The following ZSWIM4 variants were observed in gnomAD, a reference collection of about 807,000 sequenced individuals.
ZSWIM4 encodes zinc finger SWIM-type containing 4.
In ZSWIM4, 62 loss-of-function variants were observed where a neutral mutation model predicts 102.5. That is an observed-to-expected ratio of 0.60 (90% CI 0.49 to 0.75). The LOEUF (loss-of-function observed/expected upper bound fraction) is 0.75. Ranked by LOEUF, ZSWIM4 falls within the 30% of genes least tolerant of loss-of-function variation. ZSWIM4 has a pLI of 0.00. For missense variants in ZSWIM4, 1,280 were observed against 1,529.6 expected, an observed-to-expected ratio of 0.84 and a Z score of 2.72; for synonymous variants, 652 against 674.5, an observed-to-expected ratio of 0.97 and a Z score of 0.52.
At chr19:13,812,461 T>C (rs113782091) in intron 5 of ZSWIM4, among the ~76,000 whole-genome samples, 6 of 145,474 alleles carry the variant, frequency 4.1e-5, no homozygotes, top group African/African-American at 1.6e-4. Context: ...ATCCCAACTT[T>C]TTTTTTTTTT....
At chr19:13,828,588 T>TGAG in intron 12 of ZSWIM4, 57 bp from the exon 13 acceptor site, 1 of 1,553,718 alleles carries the variant, frequency 6.4e-7, no homozygotes, top group Non-Finnish European at 8.9e-7. Flanking sequence ...CCAACGCCCC[T>TGAG]CCATAGGCCA....
In ZSWIM4 at chr19:13,830,730, C is replaced by G; in HGVS notation, c.3001C>G (p.Arg1001Gly). The change falls in exon 14 of 14, where the codon CGC (arginine) becomes GGC (glycine). Residue 1001 changes from arginine to glycine, a missense_variant. By Grantham distance (125) the Arg-to-Gly change is moderately radical (BLOSUM62 -2). Coordinates refer to ENST00000590508, the MANE Select transcript of ZSWIM4 (RefSeq NM_001367834.3). ...HCAPMLSDIL[R>G]RWTLSAPGLG... ...TGCCCCAATGCTGTCCGATATTCTGCGCCGCTGGACTCTCTCGGCGCCCGG... is the reference window on the plus strand; with the variant it reads ...TGCCCCAATGCTGTCCGATATTCTGGGCCGCTGGACTCTCTCGGCGCCCGG... The G allele has an allele frequency of 6.2e-7, 1 of 1,607,898 alleles. No individual in the cohort carries two copies. The highest frequency in any genetic ancestry group is 8.5e-7 in the Non-Finnish European group (1 of 1,177,822).
At chr19:13,800,392 A>C (rs28376094) in intron 2 of ZSWIM4, among the ~76,000 whole-genome samples, 2,478 of 151,078 alleles carry the variant, frequency 0.016, 65 homozygotes, top group African/African-American at 0.058. Flanking sequence ...CAGCCTCCCA[A>C]GTAGCCGGGA....
At chr19:13,828,566 G>T (rs1975672743) in intron 12 of ZSWIM4, 79 bp from the exon 13 acceptor site, 3 of 1,278,140 alleles carry the variant, frequency 2.3e-6, no homozygotes, top group Non-Finnish European at 3.4e-6. Flanking sequence ...TGTTTCTGGG[G>T]TCCTCCATCT....
rs1424514640 is a variant in ZSWIM4, at chr19:13,795,485, C to T, written c.-164C>T. On this transcript the variant is annotated 5_prime_UTR_variant, in exon 1 of 14. Coordinates refer to ENST00000590508, the MANE Select transcript of ZSWIM4 (RefSeq NM_001367834.3). The stretch of plus-strand genomic sequence containing the variant: ...TAAAGGGGCCGCATCACCCTGCCGG[C>T]CCGGCGCGGGTCGGGGGTGGGTGCG... The T allele has an allele frequency of 9.6e-6, 2 of 207,612 alleles. No individual in the cohort carries two copies. The highest frequency in any genetic ancestry group is 2.5e-4 in the East Asian group (2 of 8,140). The allele number at this position is 207,612 out of a possible 1,614,324, so 12.9% of individuals were successfully genotyped here.
Position 13,830,335 on chromosome 19 carries a change from G to A in ZSWIM4, c.2606G>A (p.Trp869Ter). 1 of 1,613,396 alleles carries A rather than the reference G, an allele frequency of 6.2e-7. No homozygotes were observed. Among genetic ancestry groups the A allele is most frequent in the Non-Finnish European group, 8.5e-7 (1 of 1,180,022 alleles). Residue 869 changes from tryptophan to a stop codon, truncating the protein, a stop_gained, in exon 14 of 14, where the codon TGG becomes TAG. Transcript: ENST00000590508. LOFTEE classifies it high-confidence loss of function. ...QLDTSRREEL[W>*]ACARTLALQC... The stretch of plus-strand genomic sequence containing the variant: ...GACACATCGCGGAGGGAGGAGCTCT[G>A]GGCCTGCGCCCGCACCCTGGCCTTG...
chr19:13,798,184 ATGAT>A (rs770961284), intron 1 of ZSWIM4, among the ~76,000 whole-genome samples: 1 of 152,072 alleles, frequency 6.6e-6, no homozygotes, highest in Non-Finnish European at 1.5e-5. Context: ...CAGTGAAACA[ATGAT>A]TGCGCAATGA....
chr19:13,830,027 T>G (rs993976346), intron 13 of ZSWIM4, among the ~76,000 whole-genome samples, 164 bp from the exon 14 acceptor site: 3 of 152,096 alleles, frequency 2.0e-5, no homozygotes, highest in Non-Finnish European at 4.4e-5. Context: ...ACACACGTGA[T>G]TCCCACCTAG....
At chr19:13,811,455 C>T (rs1057499239) in intron 5 of ZSWIM4, among the ~76,000 whole-genome samples, 2 of 151,252 alleles carry the variant, frequency 1.3e-5, no homozygotes, top group Admixed American at 6.6e-5. Flanking sequence ...ACTTGGGCCC[C>T]GGAGGTTGAG....
Position 13,810,909 on chromosome 19 carries a change from C to A in ZSWIM4, c.1012+1689C>A, listed in dbSNP as rs561014098. Among the ~76,000 whole-genome samples, 133 of 94,112 alleles carry A rather than the reference C, an allele frequency of 1.4e-3. 1 individual carries two copies. The highest frequency in any genetic ancestry group is 5.5e-3 in the African/African-American group (126 of 22,734). 61.7% of individuals were successfully genotyped at this position (94,112 alleles called of 152,430 possible). On this transcript the variant is annotated intron_variant, in intron 5 of 13. Transcript: ENST00000590508. ...ACAGGCGTGAGCCACCACGCCCAGC[C>A]TTTTTTTTTTTTTTTTTTTTTTGAG...
chr19:13,801,161 A>AAAT (rs796359601), intron 2 of ZSWIM4, among the ~76,000 whole-genome samples: 8 of 151,542 alleles, frequency 5.3e-5, no homozygotes, highest in Non-Finnish European at 1.2e-4. Flanking sequence ...AAAAGAAAAA[A>AAAT]AAAAAGGAAG....
At position 13,812,977 on chromosome 19, in the gene ZSWIM4, C is replaced by A. The variant is rs1006221116; in HGVS notation, c.1013-20C>A. On this transcript the variant is annotated intron_variant, in intron 5 of 13. Transcript: ENST00000590508. ...TGCCACTGTTGGCAGGAATATTGAGCCTGCCCCGTGCCTCCTCAGGGGCCC... is the reference window on the plus strand; with the variant it reads ...TGCCACTGTTGGCAGGAATATTGAGACTGCCCCGTGCCTCCTCAGGGGCCC... 4.4e-6 allele frequency: 7 copies of A among 1,583,856 alleles called. No individual in the cohort carries two copies. The highest frequency in any genetic ancestry group is 6.0e-6 in the Non-Finnish European group (7 of 1,159,970).
In ZSWIM4 at chr19:13,823,462, A is replaced by T. The variant is rs748276694; in HGVS notation, c.2177A>T (p.Gln726Leu). 39 of 1,590,548 alleles carry T rather than the reference A, an allele frequency of 2.5e-5. No individual in the cohort carries two copies. The highest frequency in any genetic ancestry group is 3.3e-5 in the Non-Finnish European group (39 of 1,168,550). The change falls in exon 11 of 14, where the codon CAG becomes CTG. Residue 726 changes from glutamine to leucine, a missense_variant. Physicochemically the swap from Gln to Leu is moderately radical, Grantham distance 113 (BLOSUM62 -2). Coordinates refer to ENST00000590508, the MANE Select transcript of ZSWIM4 (RefSeq NM_001367834.3). ...WFILGHLETR[Q>L]CELASTMLTA... is the part of the protein sequence containing the mutation. ...ATCCTTGGCCACCTGGAGACCCGCC[A>T]GTGTGAACTGGCTTCCACCATGTTG... is the stretch of plus-strand genomic sequence containing the variant.
rs777764665 is a variant in ZSWIM4, at chr19:13,813,127, C to T, written c.1143C>T (p.Asp381=). The T allele has an allele frequency of 2.5e-5, 41 of 1,613,474 alleles. No individual in the cohort carries two copies. Among genetic ancestry groups the T allele is most frequent in the South Asian group, 4.4e-5 (4 of 91,050 alleles). ...TGGAAGAGGGCAACTACTCCTTCGA[C>T]GGCCCCAGCCTGCAGCCCACCATGG... The part of the protein sequence containing the change: ...CPLEEGNYSF[D]GPSLQPTMAP... Residue 381 remains aspartate (D), a synonymous_variant, in exon 6 of 14, where the codon GAC becomes GAT. Transcript: ENST00000590508.
chr19:13,828,549 C>G (rs1013567798), intron 12 of ZSWIM4, 96 bp from the exon 13 acceptor site: 4 of 1,060,792 alleles, frequency 3.8e-6, no homozygotes, highest in Non-Finnish European at 5.8e-6. Context: ...CAGCTTTAAC[C>G]TCCAAGTGTT....
At chr19:13,797,060 T>C (rs1172043943) in intron 1 of ZSWIM4, 7 of 152,294 alleles carry the variant, frequency 4.6e-5, no homozygotes, top group Admixed American at 4.6e-4. Flanking sequence ...TCATTGCATG[T>C]GAGACACACA....
chr19:13,823,415 C>G lies in ZSWIM4; in HGVS notation c.2130C>G (p.Ser710Arg). 6.2e-7 allele frequency: 1 copy of G among 1,611,378 alleles called. No homozygotes were observed. Among genetic ancestry groups the G allele is most frequent in the East Asian group, 2.2e-5 (1 of 44,738 alleles). Residue 710 changes from serine to arginine, a missense_variant, in exon 11 of 14, where the codon AGC (serine) becomes AGG (arginine). Coordinates refer to ENST00000590508, the MANE Select transcript of ZSWIM4 (RefSeq NM_001367834.3). ...CCAGCCCGCTGGACTCCATCATGAG[C>G]AACCGCTTCCCCCGCTGGTTCATCC... ...PHPSPLDSIM[S>R]NRFPRWFILG...
chr19:13,801,580 G>T (rs945660589), intron 2 of ZSWIM4, among the ~76,000 whole-genome samples: 1 of 152,154 alleles, frequency 6.6e-6, no homozygotes, highest in Non-Finnish European at 1.5e-5. Context: ...GAGAGGCTGG[G>T]ATTTCAAAGG....
At position 13,813,017 on chromosome 19, in the gene ZSWIM4, G is replaced by A. The variant is rs373955961; in HGVS notation, c.1033G>A (p.Val345Ile). The part of the protein sequence containing the change: ...DELGALWVCV[V>I]LSPHCKPEER... ...CTCAGGGGCCCTGTGGGTTTGCGTCGTCCTGAGCCCCCACTGCAAACCAGA... is the reference window on the plus strand; with the variant it reads ...CTCAGGGGCCCTGTGGGTTTGCGTCATCCTGAGCCCCCACTGCAAACCAGA... The change falls in exon 6 of 14, where the codon GTC becomes ATC. Residue 345 changes from valine to isoleucine, a missense_variant. By Grantham distance (29) the Val-to-Ile change is conservative. Coordinates refer to ENST00000590508, the MANE Select transcript of ZSWIM4 (RefSeq NM_001367834.3). The A allele has an allele frequency of 2.5e-5, 40 of 1,612,510 alleles. 1 individual carries two copies. The highest frequency in any genetic ancestry group is 1.7e-4 in the Middle Eastern group (1 of 6,016).
Sources: allele counts gnomAD v4.1 joint callset (sites outside exome capture counted in the v4.1 genomes callset), GRCh38; gene constraint gnomAD v4.1.1; transcripts MANE v1.5; gene names NCBI Gene and HGNC (gene_info 2026-07-23, HGNC 2026-07-21).